Variants in ZFHX3 observed in about 807,000 individuals in gnomAD.
ZFHX3 encodes zinc finger homeobox 3, also known as zinc finger homeobox protein 3.
Under a neutral mutation model 279.1 loss-of-function variants are expected in ZFHX3, and 42 were observed. The ratio of observed to expected loss-of-function variants is 0.15; its 90% CI spans 0.12 to 0.19. The LOEUF (loss-of-function observed/expected upper bound fraction) is 0.19. ZFHX3 is among the 10% of genes least tolerant of loss of function. The probability of loss-of-function intolerance (pLI) is 1.00; values close to 1 mark genes in which losing one functional copy is unlikely to be tolerated. For missense variants in ZFHX3, 4,981 were observed against 4,754.0 expected (o/e 1.05, Z -1.40); for synonymous variants, 2,293 against 1,957.8 (o/e 1.17, Z -4.52).
intron 1 of ZFHX3, among the ~76,000 whole-genome samples, chr16:73,874,955 G>T (rs1050815449): frequency 4.6e-5 from 7 of 152,118 alleles, no homozygotes; most frequent in African/African-American, 1.7e-4. Flanking sequence ...CATACAGTTG[G>T]CAACAGAGGC....
chr16:73,419,801 G>C (rs1043538172), intron 3 of ZFHX3, among the ~76,000 whole-genome samples: 1 of 152,066 alleles, frequency 6.6e-6, no homozygotes, highest in Non-Finnish European at 1.5e-5. Context: ...TTGTCCATAA[G>C]GGTGTTGATA....
chr16:73,670,893 G>T (rs1390183705), intron 2 of ZFHX3, among the ~76,000 whole-genome samples: 1 of 152,218 alleles, frequency 6.6e-6, no homozygotes, highest in Non-Finnish European at 1.5e-5. Context: ...AAATTCACTT[G>T]AAGTTTGCAA....
chr16:73,347,429 C>T (rs2016143794), intron 3 of ZFHX3, among the ~76,000 whole-genome samples: 2 of 152,212 alleles, frequency 1.3e-5, no homozygotes, highest in South Asian at 4.1e-4. Flanking sequence ...GCATCTGTTC[C>T]ATCTGGGGCA....
chr16:73,535,502 C>T (rs760676438), intron 2 of ZFHX3, among the ~76,000 whole-genome samples: 7 of 152,112 alleles, frequency 4.6e-5, no homozygotes, highest in Non-Finnish European at 7.3e-5. Flanking sequence ...ACCAGTTTTC[C>T]ACATTGCTGG....
At chr16:72,803,268 G>A (rs985650549) in intron 7 of ZFHX3, among the ~76,000 whole-genome samples, 1 of 152,116 alleles carries the variant, frequency 6.6e-6, no homozygotes, top group Non-Finnish European at 1.5e-5. Flanking sequence ...GGAGGCAGAG[G>A]TTGCAGTGAG....
At chr16:73,267,369 T>C (rs1281383735) in intron 4 of ZFHX3, among the ~76,000 whole-genome samples, 3 of 152,108 alleles carry the variant, frequency 2.0e-5, no homozygotes, top group Non-Finnish European at 4.4e-5. Context: ...CCAACTATGA[T>C]GGAACAGCTA....
intron 1 of ZFHX3, among the ~76,000 whole-genome samples, chr16:73,887,971 G>T (rs536522493): frequency 1.3e-5 from 2 of 152,258 alleles, no homozygotes; most frequent in East Asian, 3.9e-4. Context: ...TCCCAGCTGG[G>T]AGGAACGGTT....
chr16:73,541,855 T>G (rs891970461), intron 2 of ZFHX3, among the ~76,000 whole-genome samples: 1 of 139,512 alleles, frequency 7.2e-6, no homozygotes, highest in Non-Finnish European at 1.5e-5. Context: ...CAGGCTGGAG[T>G]GCAGTGGCAC....
chr16:73,836,494 A>G (rs546979922), intron 1 of ZFHX3, among the ~76,000 whole-genome samples: 9 of 152,350 alleles, frequency 5.9e-5, no homozygotes, highest in Non-Finnish European at 1.3e-4. Context: ...ACGTAAGAAT[A>G]ACAATCCTCA....
chr16:72,848,829 G>C (rs559462118), intron 4 of ZFHX3, among the ~76,000 whole-genome samples: 1 of 151,868 alleles, frequency 6.6e-6, no homozygotes, highest in Non-Finnish European at 1.5e-5. Context: ...CCTTTCCCTC[G>C]TTTCTGCTTA....
At chr16:73,456,816 T>A (rs952744276) in intron 2 of ZFHX3, among the ~76,000 whole-genome samples, 1 of 152,224 alleles carries the variant, frequency 6.6e-6, no homozygotes, top group Non-Finnish European at 1.5e-5. Flanking sequence ...TTACTAAGCA[T>A]CAACTACTGA....
intron 4 of ZFHX3, among the ~76,000 whole-genome samples, chr16:73,300,134 C>T (rs2015017333): frequency 6.6e-6 from 1 of 151,978 alleles, no homozygotes; most frequent in Admixed American, 6.6e-5. Context: ...GTGGTGTGCA[C>T]CTGTAGTCTC....
intron 4 of ZFHX3, among the ~76,000 whole-genome samples, chr16:73,293,082 C>A (rs1457271365): frequency 6.6e-6 from 1 of 152,174 alleles, no homozygotes; most frequent in African/African-American, 2.4e-5. Flanking sequence ...GAACCACCTT[C>A]AAACCCGGCT....
At chr16:73,713,198 C>T (rs1156295431) in intron 1 of ZFHX3, among the ~76,000 whole-genome samples, 1 of 152,178 alleles carries the variant, frequency 6.6e-6, no homozygotes, top group Non-Finnish European at 1.5e-5. Flanking sequence ...AACTGATTTC[C>T]TACTTTTAAC....
At position 72,957,804 on chromosome 16, in the gene ZFHX3, GCCGCCGCAGCCA is replaced by G. The variant is rs762822375; in HGVS notation, c.2330_2341del (p.Val777_Ala780del). Reference sequence around the variant, plus strand: ...GGAGCTACTGATATTGGCTGCCGCCGCCGCCGCAGCCACCGCCGCCGCCGCCGCCCCGGCAGT... The same window carrying G: ...GGAGCTACTGATATTGGCTGCCGCCGCCGCCGCCGCCGCCGCCCCGGCAGT... On this transcript the variant is annotated inframe_deletion, in exon 2 of 10. Coordinates refer to ENST00000268489, the MANE Select transcript of ZFHX3 (RefSeq NM_006885.4). The G allele has an allele frequency of 2.6e-5, 42 of 1,590,968 alleles. No homozygotes were observed. Among genetic ancestry groups the G allele is most frequent in the Admixed American group, 8.4e-5 (5 of 59,220 alleles).
intron 3 of ZFHX3, among the ~76,000 whole-genome samples, chr16:73,411,886 A>C (rs978354960): frequency 6.6e-6 from 1 of 152,200 alleles, no homozygotes; most frequent in Non-Finnish European, 1.5e-5. Flanking sequence ...CCTCCAGTCT[A>C]CATGATAGCA....
intron 5 of ZFHX3, among the ~76,000 whole-genome samples, chr16:73,224,642 G>T (rs571496904): frequency 6.6e-6 from 1 of 152,158 alleles, no homozygotes; most frequent in Non-Finnish European, 1.5e-5. Context: ...ATTATCTCCT[G>T]ACAGATGAAA....
At chr16:72,885,648 T>C (rs543008051) in intron 4 of ZFHX3, among the ~76,000 whole-genome samples, 1 of 152,276 alleles carries the variant, frequency 6.6e-6, no homozygotes, top group Admixed American at 6.5e-5. Context: ...TCTAGATACC[T>C]GTAGGAGGTG....
chr16:73,455,454 T>C (rs1192651476), intron 3 of ZFHX3, among the ~76,000 whole-genome samples: 1 of 152,146 alleles, frequency 6.6e-6, no homozygotes, highest in Non-Finnish European at 1.5e-5. Flanking sequence ...AGAGGTCCCT[T>C]TGTTGCCTGT....
Sources: gnomAD v4.1 joint callset for allele counts (sites outside exome capture counted in the v4.1 genomes callset) on GRCh38, gnomAD v4.1.1 for gene constraint, MANE v1.5 for transcripts, NCBI Gene and HGNC (gene_info 2026-07-23, HGNC 2026-07-21) for gene names.